The following ZNF423 variants were observed in gnomAD, a reference collection of about 807,000 sequenced individuals.
ZNF423 encodes Ebf-associated zinc finger protein.
ZNF423 carries 12 observed loss-of-function variants against 95.8 expected under a neutral mutation model. The observed-to-expected ratio is 0.13, with a 90% confidence interval of 0.08 to 0.20. ZNF423 has a LOEUF of 0.20. Ranked by LOEUF, ZNF423 falls within the 10% of genes least tolerant of loss-of-function variation. The pLI is 1.00. For missense variants in ZNF423, 1,316 were observed against 1,737.1 expected (o/e 0.76, Z 4.31); for synonymous variants, 749 against 711.9 (o/e 1.05, Z -0.83).
chr16:49,717,820 GAC>G (rs372830743), intron 3 of ZNF423, among the ~76,000 whole-genome samples: 4 of 152,210 alleles, frequency 2.6e-5, no homozygotes, highest in African/African-American at 9.6e-5. Context: ...ACACAGAACA[GAC>G]ACTCTTTCTG....
At chr16:49,810,832 A>C in intron 1 of ZNF423, among the ~76,000 whole-genome samples, 1 of 152,120 alleles carries the variant, frequency 6.6e-6, no homozygotes. Flanking sequence ...TCTCTCCTTC[A>C]ACACAAATGG....
intron 5 of ZNF423, among the ~76,000 whole-genome samples, chr16:49,534,939 C>T (rs1748251808): frequency 6.6e-6 from 1 of 152,182 alleles, no homozygotes. Flanking sequence ...GTTGACTTTG[C>T]CTCCCCTCTG....
intron 3 of ZNF423, among the ~76,000 whole-genome samples, chr16:49,719,250 G>A (rs2032796012): frequency 6.6e-6 from 1 of 152,186 alleles, no homozygotes; most frequent in Non-Finnish European, 1.5e-5. Context: ...TAATGAAAAA[G>A]CAGACCTGAC....
chr16:49,850,093 G>A (rs962934954), intron 1 of ZNF423, among the ~76,000 whole-genome samples: 2 of 152,174 alleles, frequency 1.3e-5, no homozygotes, highest in Non-Finnish European at 2.9e-5. Context: ...GCTAATTGGC[G>A]CTCCTTGAAA....
chr16:49,515,285 AT>A (rs1968089891), intron 7 of ZNF423, among the ~76,000 whole-genome samples: 1 of 152,266 alleles, frequency 6.6e-6, no homozygotes, highest in Non-Finnish European at 1.5e-5. Flanking sequence ...TTTTTCTTGC[AT>A]CCCCTGTTAC....
chr16:49,740,041 A>T (rs1386163779), intron 2 of ZNF423, among the ~76,000 whole-genome samples: 5 of 151,616 alleles, frequency 3.3e-5, no homozygotes, highest in South Asian at 2.1e-4. Context: ...GGTAATTTTT[A>T]AAATTTTTGT....
At chr16:49,720,580 A>G (rs1022723291) in intron 3 of ZNF423, among the ~76,000 whole-genome samples, 2 of 152,238 alleles carry the variant, frequency 1.3e-5, no homozygotes, top group African/African-American at 4.8e-5. Flanking sequence ...TTTCAACCAC[A>G]TTCAAACCAA....
At chr16:49,723,306 T>C (rs4785186) in intron 3 of ZNF423, among the ~76,000 whole-genome samples, 46,140 of 152,030 alleles carry the variant, frequency 0.3, 7,360 homozygotes, top group African/African-American at 0.38. Flanking sequence ...ATGGGAGATA[T>C]TCAAAACATC....
intron 2 of ZNF423, among the ~76,000 whole-genome samples, chr16:49,774,017 G>A (rs1443247715): frequency 6.6e-6 from 1 of 152,172 alleles, no homozygotes; most frequent in Non-Finnish European, 1.5e-5. Flanking sequence ...AGAACCACAG[G>A]AGCCTACAAC....
Position 49,488,065 on chromosome 16 carries a change from C to G in ZNF423, c.*3210G>C, listed in dbSNP as rs117268877. ...CCCCAGTGCCCTGTGCAGTGCCTGG[C>G]ACCTGGGGGCAGCTCAGTAAATACT... is the stretch of plus-strand genomic sequence containing the variant. On this transcript the variant is annotated 3_prime_UTR_variant, in exon 8 of 8. Coordinates refer to ENST00000563137, the MANE Select transcript of ZNF423 (RefSeq NM_001379286.1). 2.0e-5 allele frequency: 3 copies of G among 152,376 alleles called. No homozygotes were observed. In the East Asian group the frequency reaches 5.8e-4, roughly 29 times the overall value. The allele number at this position is 152,376 out of a possible 1,614,324, so 9.4% of individuals were successfully genotyped here.
intron 1 of ZNF423, among the ~76,000 whole-genome samples, chr16:49,827,369 G>A (rs925802880): frequency 6.6e-6 from 1 of 152,028 alleles, no homozygotes; most frequent in South Asian, 2.1e-4. Flanking sequence ...TCCTTGTCTG[G>A]TTACCAACAA....
chr16:49,495,882 T>C (rs1967148354), intron 7 of ZNF423, among the ~76,000 whole-genome samples: 1 of 152,236 alleles, frequency 6.6e-6, no homozygotes. Context: ...TCTCTGTTGC[T>C]TAGGCGTGGG....
intron 1 of ZNF423, among the ~76,000 whole-genome samples, chr16:49,852,894 G>A (rs1237331119): frequency 6.6e-6 from 1 of 152,134 alleles, no homozygotes; most frequent in Non-Finnish European, 1.5e-5. Flanking sequence ...GTCCGTGAGT[G>A]GGAAGTGAGA....
At chr16:49,616,713 C>T (rs1420846236) in intron 5 of ZNF423, among the ~76,000 whole-genome samples, 1 of 152,148 alleles carries the variant, frequency 6.6e-6, no homozygotes, top group Non-Finnish European at 1.5e-5. Flanking sequence ...GGTCTGTCCT[C>T]CAGGCCCAGC....
intron 1 of ZNF423, among the ~76,000 whole-genome samples, chr16:49,798,814 T>G (rs1246974758): frequency 6.6e-6 from 1 of 152,198 alleles, no homozygotes; most frequent in African/African-American, 2.4e-5. Context: ...CATAAACTGT[T>G]GCCCTGGAGA....
rs576224806 is a variant in ZNF423 at position 49,638,957 on chromosome 16, C to T, written c.302-83G>A. 163 of 1,488,948 alleles carry T rather than the reference C, an allele frequency of 1.1e-4. No individual in the cohort carries two copies. The African/African-American group carries it at 1.9e-3, about 17-fold the overall frequency. 92.2% of individuals were successfully genotyped at this position (1,488,948 alleles called of 1,614,324 possible). A position where few individuals can be genotyped will look rare whatever the true frequency, so the allele number is the denominator to read the frequency against. ...GGACAGAGCCAGCTTCTCGACAGCA[C>T]GCGGGCTGAGGCTGTGCAGCTGGCC... On this transcript the variant is annotated intron_variant, in intron 3 of 7. Transcript: ENST00000563137. This position sits in a 1 kb window ranked among gnomAD's most constrained non-coding sequence, Gnocchi z 5.6.
intron 2 of ZNF423, among the ~76,000 whole-genome samples, chr16:49,751,558 G>C (rs2033633995): frequency 6.6e-6 from 1 of 152,184 alleles, no homozygotes; most frequent in Non-Finnish European, 1.5e-5. Context: ...TCTAACATGA[G>C]AGTTCTGAGT....
At chr16:49,509,268 C>A (rs9929500) in intron 7 of ZNF423, among the ~76,000 whole-genome samples, 3 of 151,872 alleles carry the variant, frequency 2.0e-5, no homozygotes, top group Admixed American at 6.5e-5. Flanking sequence ...TCCCCTGGGA[C>A]GCCTAAAGGA....
At chr16:49,800,625 C>T (rs939640856) in intron 1 of ZNF423, among the ~76,000 whole-genome samples, 3 of 152,154 alleles carry the variant, frequency 2.0e-5, no homozygotes, top group African/African-American at 7.2e-5. Flanking sequence ...TGAGGATGTG[C>T]CCAATGTGAG....
Sources: allele counts gnomAD v4.1 joint callset (sites outside exome capture counted in the v4.1 genomes callset), GRCh38; gene constraint gnomAD v4.1.1; non-coding constraint Gnocchi (gnomAD v3.1); transcripts MANE v1.5; gene names NCBI Gene and HGNC (gene_info 2026-07-23, HGNC 2026-07-21).